TENM3: variants seen among roughly 807,000 people sequenced by gnomAD.
TENM3 encodes the protein teneurin transmembrane protein 3, also known as teneurin-3.
A neutral mutation model predicts 255.1 loss-of-function variants in TENM3; 63 were observed. The observed-to-expected ratio is 0.25, with a 90% confidence interval of 0.20 to 0.30. The LOEUF is 0.30. Ranked by LOEUF, TENM3 falls within the 10% of genes least tolerant of loss-of-function variation. TENM3 has a pLI of 1.00. For synonymous variants in TENM3, 1,306 were observed against 1,322.3 expected, an observed-to-expected ratio of 0.99 and a Z score of 0.27; for missense variants, 2,929 against 3,461.1, an observed-to-expected ratio of 0.85 and a Z score of 3.86.
At chr4:182,453,306 C>T (rs903754344) in intron 3 of TENM3, among the ~76,000 whole-genome samples, 5 of 151,996 alleles carry the variant, frequency 3.3e-5, no homozygotes, top group South Asian at 2.1e-4. Flanking sequence ...TATGTTGGTA[C>T]GATGGTAAAT....
intron 1 of TENM3, among the ~76,000 whole-genome samples, chr4:182,259,389 T>C (rs1758635983): frequency 6.6e-6 from 1 of 152,166 alleles, no homozygotes; most frequent in East Asian, 1.9e-4. Flanking sequence ...CATGGGTTAC[T>C]GCAGCCTCAA....
chr4:182,582,012 T>C (rs894809435), intron 3 of TENM3, among the ~76,000 whole-genome samples: 9 of 152,198 alleles, frequency 5.9e-5, no homozygotes, highest in Non-Finnish European at 1.5e-5. Flanking sequence ...AAAGTGTTAA[T>C]TATAAAACTG....
chr4:181,604,338 C>A, the TENM3 span, among the ~76,000 whole-genome samples: 1 of 152,234 alleles, frequency 6.6e-6, no homozygotes, highest in Admixed American at 6.5e-5. Flanking sequence ...CTCTGCTAAC[C>A]AATAGGCACT....
chr4:182,078,090 C>A, the TENM3 span, among the ~76,000 whole-genome samples: 44 of 152,172 alleles, frequency 2.9e-4, no homozygotes, highest in East Asian at 2.7e-3. Context: ...AATAAATAAA[C>A]CAGCCCATGC....
the TENM3 span, among the ~76,000 whole-genome samples, chr4:181,683,246 G>A: frequency 6.6e-6 from 1 of 151,846 alleles, no homozygotes; most frequent in African/African-American, 2.4e-5. Flanking sequence ...AGCTCATTCC[G>A]ACATTTACAG....
the TENM3 span, among the ~76,000 whole-genome samples, chr4:181,697,644 G>A: frequency 1.3e-5 from 2 of 151,968 alleles, no homozygotes; most frequent in African/African-American, 2.4e-5. Flanking sequence ...CGCCTGCCTT[G>A]GCCTCCCAAA....
At chr4:181,871,406 A>C in the TENM3 span, among the ~76,000 whole-genome samples, 4 of 151,998 alleles carry the variant, frequency 2.6e-5, no homozygotes, top group African/African-American at 9.6e-5. Context: ...TTTTATTTAG[A>C]TCTTTTATAA....
chr4:182,600,897 CT>C lies in TENM3; in HGVS notation c.512-4del, dbSNP rs548783934. The C allele has an allele frequency of 0.2, 99,048 of 492,844 alleles. 3,493 individuals are homozygous for C. The highest frequency in any genetic ancestry group is 0.3 in the East Asian group (6,906 of 22,710). 30.5% of individuals were successfully genotyped at this position (492,844 alleles called of 1,614,324 possible). A position where few individuals can be genotyped will look rare whatever the true frequency, so the allele number is the denominator to read the frequency against. ...TATATATATATAATGAGTTCTCTTT[CT>C]TTTTTTTTTTTTTTTTTTTTTTCAG... On this transcript the variant is annotated intron_variant, in intron 3 of 27. Coordinates refer to ENST00000511685, the MANE Select transcript of TENM3 (RefSeq NM_001080477.4).
At chr4:182,284,675 C>T (rs866645613) in intron 1 of TENM3, among the ~76,000 whole-genome samples, 2 of 151,994 alleles carry the variant, frequency 1.3e-5, no homozygotes, top group Non-Finnish European at 2.9e-5. Flanking sequence ...AGACTGGTGT[C>T]GCGTTGGAAA....
upstream of TENM3, among the ~76,000 whole-genome samples, chr4:182,241,647 C>T (rs1331556601): frequency 6.6e-6 from 1 of 151,340 alleles, no homozygotes; most frequent in African/African-American, 2.4e-5. Context: ...GTAGCTGGGA[C>T]TACAGGCATG....
chr4:182,246,337 C>T (rs910592854), intron 1 of TENM3, among the ~76,000 whole-genome samples: 2 of 151,808 alleles, frequency 1.3e-5, no homozygotes, highest in African/African-American at 4.8e-5. Flanking sequence ...GAATGAGATT[C>T]GCTATGAGCC....
chr4:182,361,570 T>C (rs1056168339), intron 3 of TENM3, among the ~76,000 whole-genome samples: 14 of 152,132 alleles, frequency 9.2e-5, no homozygotes, highest in Admixed American at 5.9e-4. Context: ...TTCAGCTCCA[T>C]CAGCTCCTTT....
At chr4:181,459,396 T>C in the TENM3 span, among the ~76,000 whole-genome samples, 24 of 152,006 alleles carry the variant, frequency 1.6e-4, no homozygotes, top group Middle Eastern at 0.01. Context: ...ATGATTTGAA[T>C]CTTTGGTAAC....
Position 182,775,032 on chromosome 4 carries a change from A to G in TENM3, c.5183A>G (p.Asn1728Ser). Residue 1728 changes from asparagine (N) to serine (S), a missense_variant, in exon 24 of 28, where the codon AAT (asparagine) becomes AGT (serine). This residue lies in a region of TENM3 where 303 missense variants were observed against 425.2 expected (regional missense o/e 0.71). Coordinates refer to ENST00000511685, the MANE Select transcript of TENM3 (RefSeq NM_001080477.4). ...CCGCACGTTCTGGCTGGCACCGCTA[A>G]TCCGACGGTTGCCAAAAGAAACATG... ...TEPHVLAGTANPTVAKRNMTL... is the reference protein window; with the variant it reads ...TEPHVLAGTASPTVAKRNMTL... 6.2e-7 allele frequency: 1 copy of G among 1,614,030 alleles called. No homozygotes were observed. The highest frequency in any genetic ancestry group is 8.5e-7 in the Non-Finnish European group (1 of 1,179,892).
chr4:181,959,789 T>C, the TENM3 span, among the ~76,000 whole-genome samples: 39,148 of 152,172 alleles, frequency 0.26, 5,241 homozygotes, highest in African/African-American at 0.28. Context: ...AGTAGAAATA[T>C]ATGGAGTTTT....
the TENM3 span, among the ~76,000 whole-genome samples, chr4:181,797,068 A>G: frequency 6.6e-6 from 1 of 152,014 alleles, no homozygotes; most frequent in Admixed American, 6.5e-5. Context: ...TGCCCAGTCC[A>G]CAACGTTTTA....
Position 182,480,534 on chromosome 4 carries a change from T to C in TENM3, c.512-120390T>C, listed in dbSNP as rs116359393. On this transcript the variant is annotated intron_variant, in intron 3 of 27. Coordinates refer to ENST00000511685, the MANE Select transcript of TENM3 (RefSeq NM_001080477.4). ...TTGCTTGTAGGCCTTAAGTAACTAATATATTAACACATTTGCTTTAAATTC... is the reference window on the plus strand; with the variant it reads ...TTGCTTGTAGGCCTTAAGTAACTAACATATTAACACATTTGCTTTAAATTC... 5.2e-3 allele frequency among the ~76,000 whole-genome samples: 787 copies of C among 151,866 alleles called. 11 individuals are homozygous for C. Among genetic ancestry groups the C allele is most frequent in the African/African-American group, 0.018 (750 of 41,564 alleles).
chr4:182,742,687 T>C (rs1455608341), intron 18 of TENM3, among the ~76,000 whole-genome samples: 2 of 152,214 alleles, frequency 1.3e-5, no homozygotes, highest in Non-Finnish European at 2.9e-5. Context: ...TGTTATTCCC[T>C]AAAGAACATT....
At chr4:181,849,949 T>TCACACACACACACACACA in the TENM3 span, among the ~76,000 whole-genome samples, 7 of 65,900 alleles carry the variant, frequency 1.1e-4, no homozygotes, top group African/African-American at 2.2e-4. Flanking sequence ...TCTCTCTCTC[T>TCACACACACACACACACA]CACACACACA....
Sources: allele counts gnomAD v4.1 joint callset (sites outside exome capture counted in the v4.1 genomes callset), GRCh38; gene constraint gnomAD v4.1.1; regional missense constraint gnomAD v4.1.1; transcripts MANE v1.5; gene names NCBI Gene and HGNC (gene_info 2026-07-23, HGNC 2026-07-21).